Variants in LPP observed in about 807,000 individuals in gnomAD.
LPP encodes LIM domain containing preferred translocation partner in lipoma.
Under a neutral mutation model 60.4 loss-of-function variants are expected in LPP, and 38 were observed. The observed-to-expected ratio is 0.63, with a 90% CI of 0.49 to 0.83. The LOEUF is 0.83. Ranked by LOEUF, LPP falls within the 40% of genes least tolerant of loss-of-function variation. LPP has a pLI of 0.00. For synonymous variants in LPP, 328 were observed against 290.8 expected, an observed-to-expected ratio of 1.13 and a Z score of -1.30; for missense variants, 902 against 783.6, an observed-to-expected ratio of 1.15 and a Z score of -1.80.
chr3:188,524,937 TTCCTTCCTTC>T (rs371393073), intron 6 of LPP, 150 bp downstream of exon 6: 1,127 of 625,200 alleles, frequency 1.8e-3, no homozygotes, highest in Non-Finnish European at 2.1e-3. Context: ...CCTTCCTTCC[TTCCTTCCTTC>T]CTCTCTCTCT....
intron 7 of LPP, among the ~76,000 whole-genome samples, chr3:188,705,616 A>AT (rs755185882): frequency 6.6e-6 from 1 of 151,328 alleles, no homozygotes; most frequent in Non-Finnish European, 1.5e-5. Flanking sequence ...ATTTTTTTTA[A>AT]TTTTTTCTTT....
At chr3:188,556,571 G>T (rs1183427450) in intron 6 of LPP, among the ~76,000 whole-genome samples, 1 of 151,868 alleles carries the variant, frequency 6.6e-6, no homozygotes, top group Non-Finnish European at 1.5e-5. Flanking sequence ...CTAGAGTTGT[G>T]CTTGAGTCGG....
intron 9 of LPP, among the ~76,000 whole-genome samples, chr3:188,827,320 A>AT (rs1755822475): frequency 6.6e-6 from 1 of 152,208 alleles, no homozygotes; most frequent in Non-Finnish European, 1.5e-5. Flanking sequence ...AGACACACAT[A>AT]TTAGACACAT....
intron 7 of LPP, among the ~76,000 whole-genome samples, chr3:188,642,878 G>C (rs1161549545): frequency 6.6e-6 from 1 of 152,004 alleles, no homozygotes; most frequent in African/African-American, 2.4e-5. Context: ...AGAGGTTGCG[G>C]TAAGCTGAGA....
chr3:188,649,253 A>G (rs1258268867), intron 7 of LPP, among the ~76,000 whole-genome samples: 1 of 152,260 alleles, frequency 6.6e-6, no homozygotes, highest in African/African-American at 2.4e-5. Flanking sequence ...CTCTGACAGT[A>G]GCATTTACAG....
intron 3 of LPP, among the ~76,000 whole-genome samples, chr3:188,401,958 G>A (rs1205299161): frequency 2.0e-5 from 3 of 152,148 alleles, no homozygotes; most frequent in East Asian, 1.9e-4. Flanking sequence ...TAGACAAGAA[G>A]TAGCTTGTTT....
At position 188,186,383 on chromosome 3, in the gene LPP, G is replaced by T. The variant is rs569912402; in HGVS notation, c.-190+32131G>T. 4.6e-5 allele frequency among the ~76,000 whole-genome samples: 7 copies of T among 152,188 alleles called. No individual in the cohort carries two copies. The South Asian group carries it at 1.2e-3, about 27-fold the overall frequency. On this transcript the variant is annotated intron_variant, in intron 1 of 11. Coordinates refer to ENST00000617246, the MANE Select transcript of LPP (RefSeq NM_001375462.1). ...GAGGATGCTAGGAGAGAGTTAAAGA[G>T]CTTGGGTAGAGAAGGGGAAAGAGAA...
intron 2 of LPP, among the ~76,000 whole-genome samples, chr3:188,322,842 A>G (rs560221199): frequency 5.1e-4 from 77 of 152,336 alleles, no homozygotes; most frequent in Non-Finnish European, 1.1e-3. Flanking sequence ...GTGATATGTT[A>G]ATGTATGTGG....
intron 4 of LPP, among the ~76,000 whole-genome samples, chr3:188,479,157 G>A (rs1056173531): frequency 6.6e-6 from 1 of 152,130 alleles, no homozygotes; most frequent in Non-Finnish European, 1.5e-5. Flanking sequence ...GTGTGTGTAG[G>A]TATTCCAATC....
intron 1 of LPP, among the ~76,000 whole-genome samples, chr3:188,195,482 A>G (rs568981803): frequency 4.6e-5 from 7 of 152,204 alleles, no homozygotes; most frequent in Non-Finnish European, 1.0e-4. Flanking sequence ...GCAAGCATCT[A>G]TCCATCCTTC....
intron 9 of LPP, among the ~76,000 whole-genome samples, chr3:188,805,127 T>C (rs1336885769): frequency 6.6e-6 from 1 of 152,064 alleles, no homozygotes; most frequent in Non-Finnish European, 1.5e-5. Flanking sequence ...TTTGCATTTG[T>C]GTCATGAGGT....
At chr3:188,214,561 G>A (rs1335438682) in intron 1 of LPP, among the ~76,000 whole-genome samples, 1 of 152,178 alleles carries the variant, frequency 6.6e-6, no homozygotes, top group Non-Finnish European at 1.5e-5. Flanking sequence ...TGAGACCTAT[G>A]TTTGTTCTGG....
chr3:188,775,053 G>GTTTTTT (rs764136747), intron 9 of LPP, among the ~76,000 whole-genome samples: 1 of 127,658 alleles, frequency 7.8e-6, no homozygotes, highest in Non-Finnish European at 1.8e-5. Flanking sequence ...TACATGCTTA[G>GTTTTTT]TGTTTTTTTT....
chr3:188,195,959 T>C (rs533672929), intron 1 of LPP, among the ~76,000 whole-genome samples: 1 of 152,202 alleles, frequency 6.6e-6, no homozygotes, highest in Non-Finnish European at 1.5e-5. Context: ...TATATTTGTC[T>C]CTACTGCCTC....
intron 2 of LPP, among the ~76,000 whole-genome samples, chr3:188,336,576 T>C (rs1248243804): frequency 6.6e-6 from 1 of 152,140 alleles, no homozygotes; most frequent in Non-Finnish European, 1.5e-5. Flanking sequence ...CCTTAGACTC[T>C]GTAAGACCAC....
chr3:188,327,155 A>G (rs987597500), intron 2 of LPP, among the ~76,000 whole-genome samples: 14 of 152,156 alleles, frequency 9.2e-5, no homozygotes, highest in Non-Finnish European at 2.1e-4. Flanking sequence ...TTCCTGGCCA[A>G]AGACTGATTC....
At chr3:188,156,858 C>CA in intron 1 of LPP, among the ~76,000 whole-genome samples, 1 of 151,310 alleles carries the variant, frequency 6.6e-6, no homozygotes, top group South Asian at 2.1e-4. Flanking sequence ...CCCACCCCCC[C>CA]AAGAAAAATA....
chr3:188,430,797 A>C (rs953630991), intron 4 of LPP, among the ~76,000 whole-genome samples: 1 of 152,164 alleles, frequency 6.6e-6, no homozygotes, highest in Non-Finnish European at 1.5e-5. Flanking sequence ...AATGCTTTAC[A>C]CCATCACTGA....
intron 4 of LPP, among the ~76,000 whole-genome samples, chr3:188,479,964 C>T (rs1416746442): frequency 1.3e-5 from 2 of 152,128 alleles, no homozygotes; most frequent in Non-Finnish European, 2.9e-5. Flanking sequence ...CTGATGGGGG[C>T]CTTTGTTTCA....
Sources: gnomAD v4.1 joint callset for allele counts (sites outside exome capture counted in the v4.1 genomes callset) on GRCh38, gnomAD v4.1.1 for gene constraint, MANE v1.5 for transcripts, NCBI Gene and HGNC (gene_info 2026-07-23, HGNC 2026-07-21) for gene names.